Variants in PDS5B observed in about 807,000 individuals in gnomAD.
The protein encoded by PDS5B is sister chromatid cohesion protein PDS5 homolog B.
PDS5B carries 51 observed loss-of-function variants against 184.1 expected under a neutral mutation model. The ratio of observed to expected loss-of-function variants is 0.28; its 90% CI spans 0.22 to 0.35. The LOEUF is 0.35. Among genes scored for constraint, PDS5B ranks in the 10% least tolerant of loss-of-function variants. The pLI is 1.00. For missense variants in PDS5B, 1,180 were observed against 1,723.3 expected, an observed-to-expected ratio of 0.68 and a Z score of 5.58; for synonymous variants, 566 against 569.2, an observed-to-expected ratio of 0.99 and a Z score of 0.08.
At chr13:32,729,568 G>A (rs564996872) in intron 19 of PDS5B, among the ~76,000 whole-genome samples, 2 of 152,160 alleles carry the variant, frequency 1.3e-5, no homozygotes, top group Non-Finnish European at 2.9e-5. Context: ...CACCAACAGT[G>A]TAAAAACGTT....
chr13:32,708,784 GT>G (rs200909119), intron 18 of PDS5B, among the ~76,000 whole-genome samples: 1 of 149,746 alleles, frequency 6.7e-6, no homozygotes, highest in Admixed American at 6.7e-5. Context: ...TCTATCTTTT[GT>G]TTTTTTTTAA....
intron 1 of PDS5B, among the ~76,000 whole-genome samples, chr13:32,635,613 A>G (rs1427290247): frequency 6.6e-6 from 1 of 151,768 alleles, no homozygotes; most frequent in Non-Finnish European, 1.5e-5. Flanking sequence ...AAGTGCTGGG[A>G]TTACAGGCGT....
intron 1 of PDS5B, among the ~76,000 whole-genome samples, chr13:32,642,439 G>C (rs958288373): frequency 1.3e-5 from 2 of 152,166 alleles, no homozygotes; most frequent in Admixed American, 6.5e-5. Context: ...TTCAAAGTGT[G>C]ACTAGCTGTA....
At chr13:32,606,075 T>C (rs1227865468) in intron 1 of PDS5B, among the ~76,000 whole-genome samples, 1 of 152,178 alleles carries the variant, frequency 6.6e-6, no homozygotes, top group African/African-American at 2.4e-5. Flanking sequence ...ACATTTGAGG[T>C]TAATATTGTT....
intron 20 of PDS5B, among the ~76,000 whole-genome samples, chr13:32,733,473 A>G (rs978612389): frequency 6.6e-6 from 1 of 152,222 alleles, no homozygotes; most frequent in South Asian, 2.1e-4. Context: ...AATATGAACA[A>G]TAGGCTGGCA....
intron 31 of PDS5B, among the ~76,000 whole-genome samples, chr13:32,765,925 A>G (rs1222617752): frequency 6.6e-6 from 1 of 152,234 alleles, no homozygotes; most frequent in Non-Finnish European, 1.5e-5. Flanking sequence ...CTAAAATTTT[A>G]TTGAATTCTA....
chr13:32,766,656 A>G (rs990693725), intron 31 of PDS5B, among the ~76,000 whole-genome samples: 10 of 152,214 alleles, frequency 6.6e-5, no homozygotes, highest in African/African-American at 1.7e-4. Flanking sequence ...ATTATTTTCC[A>G]TATACGTTTG....
intron 11 of PDS5B, among the ~76,000 whole-genome samples, 161 bp from the exon 12 acceptor site, chr13:32,686,973 T>A (rs566580901): frequency 6.6e-6 from 1 of 151,368 alleles, no homozygotes; most frequent in Non-Finnish European, 1.5e-5. Context: ...GATAGTTGTG[T>A]TTTTTTTTAA....
chr13:32,607,656 A>G (rs1186905624), intron 1 of PDS5B, among the ~76,000 whole-genome samples: 1 of 151,778 alleles, frequency 6.6e-6, no homozygotes, highest in East Asian at 1.9e-4. Flanking sequence ...CTGCCCCCAG[A>G]GTTGGAGTCT....
At chr13:32,664,541 T>G (rs939061964) in intron 6 of PDS5B, among the ~76,000 whole-genome samples, 1 of 152,178 alleles carries the variant, frequency 6.6e-6, no homozygotes, top group African/African-American at 2.4e-5. Flanking sequence ...ATGTCAATCT[T>G]CTGCATACTG....
At chr13:32,597,164 G>T (rs1281494635) in intron 1 of PDS5B, among the ~76,000 whole-genome samples, 2 of 151,626 alleles carry the variant, frequency 1.3e-5, no homozygotes, top group Non-Finnish European at 2.9e-5. Flanking sequence ...CTCCTGAGTA[G>T]CTGGGTCTAC....
intron 7 of PDS5B, among the ~76,000 whole-genome samples, chr13:32,670,988 A>G (rs1021953639): frequency 6.6e-6 from 1 of 152,368 alleles, no homozygotes; most frequent in Admixed American, 6.5e-5. Context: ...AATTTGTAGT[A>G]TGTAATTAGC....
intron 19 of PDS5B, among the ~76,000 whole-genome samples, chr13:32,728,688 TG>T (rs1014756483): frequency 6.6e-6 from 1 of 152,192 alleles, no homozygotes; most frequent in Non-Finnish European, 1.5e-5. Context: ...TGCGATAAGC[TG>T]GGCAGTAAAG....
intron 19 of PDS5B, among the ~76,000 whole-genome samples, chr13:32,718,324 G>A (rs188887209): frequency 2.0e-3 from 307 of 152,104 alleles, no homozygotes; most frequent in African/African-American, 7.2e-3. Context: ...CTAATTTTTT[G>A]TATTTTTAAT....
intron 7 of PDS5B, among the ~76,000 whole-genome samples, chr13:32,671,814 A>C (rs952214426): frequency 6.6e-6 from 1 of 152,244 alleles, no homozygotes; most frequent in East Asian, 1.9e-4. Flanking sequence ...TAACTGTCAC[A>C]GAAGAGATTA....
chr13:32,723,940 C>T (rs1471558462), intron 19 of PDS5B, among the ~76,000 whole-genome samples: 1 of 152,158 alleles, frequency 6.6e-6, no homozygotes, highest in Non-Finnish European at 1.5e-5. Flanking sequence ...CACCAACCAG[C>T]TTTAACAATG....
intron 34 of PDS5B, 34 bp from the exon 35 acceptor site, chr13:32,774,983 T>C (rs1259544768): frequency 1.9e-6 from 3 of 1,599,818 alleles, no homozygotes; most frequent in South Asian, 1.1e-5. Context: ...CATATACCCA[T>C]TTTAATTAAG....
At chr13:32,611,121 G>A (rs1232439456) in intron 1 of PDS5B, among the ~76,000 whole-genome samples, 1 of 151,798 alleles carries the variant, frequency 6.6e-6, no homozygotes, top group Non-Finnish European at 1.5e-5. Context: ...CTATCCCACA[G>A]GATTTTGTCT....
At chr13:32,625,427 G>A (rs573619148) in intron 1 of PDS5B, among the ~76,000 whole-genome samples, 1 of 152,086 alleles carries the variant, frequency 6.6e-6, no homozygotes, top group South Asian at 2.1e-4. Context: ...CATTGTGACA[G>A]CACTAAAAAT....
Sources: allele counts gnomAD v4.1 joint callset (sites outside exome capture counted in the v4.1 genomes callset), GRCh38; gene constraint gnomAD v4.1.1; transcripts MANE v1.5; gene names NCBI Gene and HGNC (gene_info 2026-07-23, HGNC 2026-07-21).